Variants in SGMS2 observed in about 807,000 individuals in gnomAD.
The protein encoded by SGMS2 is phosphatidylcholine:ceramide cholinephosphotransferase 2.
In SGMS2, 21 loss-of-function variants were observed where a neutral mutation model predicts 43.8. The observed-to-expected ratio is 0.48, with a 90% CI of 0.34 to 0.69. The LOEUF is 0.69. Among genes scored for constraint, SGMS2 ranks in the 30% least tolerant of loss-of-function variants. SGMS2 has a pLI of 0.01. For synonymous variants in SGMS2, 167 were observed against 160.6 expected, an observed-to-expected ratio of 1.04 and a Z score of -0.30; for missense variants, 384 against 443.2, an observed-to-expected ratio of 0.87 and a Z score of 1.20.
intron 5 of SGMS2, chr4:107,908,343 C>G (rs1232383696): frequency 2.1e-6 from 1 of 486,566 alleles, no homozygotes; most frequent in Non-Finnish European, 3.6e-6. Flanking sequence ...ACCAGCTTCC[C>G]CAGTGAATGA....
chr4:107,862,499 C>A (rs1434744257), intron 2 of SGMS2, among the ~76,000 whole-genome samples: 1 of 152,056 alleles, frequency 6.6e-6, no homozygotes, highest in East Asian at 1.9e-4. Flanking sequence ...ACTCTTTTCC[C>A]TTTTATATGT....
intron 2 of SGMS2, among the ~76,000 whole-genome samples, chr4:107,882,248 A>C (rs992505866): frequency 6.6e-6 from 1 of 152,246 alleles, no homozygotes; most frequent in African/African-American, 2.4e-5. Flanking sequence ...GGATTCCCCC[A>C]TCTCCACATC....
At chr4:107,901,397 G>T (rs939110640) in intron 4 of SGMS2, among the ~76,000 whole-genome samples, 3 of 152,166 alleles carry the variant, frequency 2.0e-5, no homozygotes, top group Admixed American at 6.5e-5. Context: ...TGGTTACAAA[G>T]CTATTACAAA....
At chr4:107,842,142 C>T (rs1726549433) in intron 1 of SGMS2, among the ~76,000 whole-genome samples, 1 of 152,128 alleles carries the variant, frequency 6.6e-6, no homozygotes. Flanking sequence ...TGCTCTGTAT[C>T]TGTGTCTGTG....
rs984611703 is a variant in SGMS2 at position 107,840,335 on chromosome 4, C to T, written c.-327+15082C>T. On this transcript the variant is annotated intron_variant, in intron 1 of 6. Transcript: ENST00000690982. Reference sequence around the variant, plus strand: ...CCTGACTTGGCTCCTCCTAACTGGGCGAGGGCTGTTTTTGGGTGGTCAGTG... The same window carrying T: ...CCTGACTTGGCTCCTCCTAACTGGGTGAGGGCTGTTTTTGGGTGGTCAGTG... 5.3e-5 allele frequency among the ~76,000 whole-genome samples: 8 copies of T among 152,134 alleles called. No homozygotes were observed. In the South Asian group the frequency reaches 6.2e-4, roughly 12 times the overall value.
intron 4 of SGMS2, among the ~76,000 whole-genome samples, chr4:107,900,520 T>C (rs1731032546): frequency 6.6e-6 from 1 of 152,178 alleles, no homozygotes. Flanking sequence ...CAAGGTTCTT[T>C]AGCAGCTGGA....
chr4:107,875,213 T>G (rs1386741582), intron 2 of SGMS2, among the ~76,000 whole-genome samples: 1 of 152,212 alleles, frequency 6.6e-6, no homozygotes, highest in Admixed American at 6.5e-5. Context: ...ACATGTCTGT[T>G]CATTGTAGCC....
intron 2 of SGMS2, among the ~76,000 whole-genome samples, chr4:107,860,081 C>T (rs1242131098): frequency 6.6e-6 from 1 of 151,974 alleles, no homozygotes; most frequent in Non-Finnish European, 1.5e-5. Context: ...ATCCTCTCAG[C>T]CTCTGTCAAT....
At position 107,895,816 on chromosome 4, in the gene SGMS2, T is replaced by C; in HGVS notation, c.263T>C (p.Phe88Ser). 6.2e-7 allele frequency: 1 copy of C among 1,614,020 alleles called. No individual in the cohort carries two copies. The highest frequency in any genetic ancestry group is 8.5e-7 in the Non-Finnish European group (1 of 1,179,942). The change falls in exon 3 of 7, where the codon TTC becomes TCC. Residue 88 changes from phenylalanine to serine, a missense_variant. Transcript: ENST00000690982. ...GGCATTGCCTTCATATATGCAGTTT[T>C]CAACCTCGTCTTGACAACCGTCATG... ...KTGIAFIYAV[F>S]NLVLTTVMIT... is the part of the protein sequence containing the mutation.
intron 2 of SGMS2, among the ~76,000 whole-genome samples, chr4:107,868,487 C>T (rs941148088): frequency 1.3e-5 from 2 of 152,078 alleles, no homozygotes; most frequent in Admixed American, 6.6e-5. Context: ...GAGGCCTAGG[C>T]GGGTGGATCA....
rs775062299 is a variant in SGMS2, at chr4:107,895,361, T to G, written c.-193T>G. 397 of 538,070 alleles carry G rather than the reference T, an allele frequency of 7.4e-4. 3 individuals carry two copies. Among genetic ancestry groups the G allele is most frequent in the Middle Eastern group, 9.1e-4 (2 of 2,200 alleles). 33.3% of individuals were successfully genotyped at this position (538,070 alleles called of 1,614,324 possible). A position where few individuals can be genotyped will look rare whatever the true frequency, so the allele number is the denominator to read the frequency against. On this transcript the variant is annotated 5_prime_UTR_variant, in exon 3 of 7. Transcript: ENST00000690982. ...AAGAATTGGCTTCCTTTCTTGAAAG[T>G]GGTGAAGGTACAGCATATAGCTGCA...
intron 4 of SGMS2, among the ~76,000 whole-genome samples, chr4:107,900,557 AGT>A (rs2126134004): frequency 6.6e-6 from 1 of 152,306 alleles, no homozygotes; most frequent in South Asian, 2.1e-4. Context: ...TGACTGAGAT[AGT>A]GTGTGAGGAT....
chr4:107,875,555 T>G (rs1191643567), intron 2 of SGMS2, among the ~76,000 whole-genome samples: 1 of 152,136 alleles, frequency 6.6e-6, no homozygotes, highest in South Asian at 2.1e-4. Flanking sequence ...GAATAGCTGA[T>G]GGATGCTGGG....
At chr4:107,827,596 G>A (rs1285482233) in intron 1 of SGMS2, among the ~76,000 whole-genome samples, 2 of 152,086 alleles carry the variant, frequency 1.3e-5, no homozygotes, top group Non-Finnish European at 2.9e-5. Context: ...AAAATATTAC[G>A]GACAAGTGAT....
chr4:107,884,636 C>T (rs1394863275), intron 2 of SGMS2, among the ~76,000 whole-genome samples: 4 of 152,200 alleles, frequency 2.6e-5, no homozygotes, highest in African/African-American at 9.6e-5. Context: ...AAATGTATAA[C>T]TCATTGCCGC....
At chr4:107,890,298 C>T (rs1730094878) in intron 2 of SGMS2, among the ~76,000 whole-genome samples, 1 of 152,072 alleles carries the variant, frequency 6.6e-6, no homozygotes, top group African/African-American at 2.4e-5. Context: ...TTAGGTCCCT[C>T]ATGCAGCAGA....
chr4:107,896,991 C>G (rs1493123), intron 3 of SGMS2, among the ~76,000 whole-genome samples: 128,268 of 152,220 alleles, frequency 0.84, 55,565 homozygotes, highest in East Asian at 0.97. Flanking sequence ...ACAATCTGAA[C>G]ATTCCAAGTC....
intron 1 of SGMS2, among the ~76,000 whole-genome samples, chr4:107,827,252 A>C (rs761304131): frequency 1.8e-4 from 28 of 152,198 alleles, no homozygotes; most frequent in Admixed American, 3.9e-4. Flanking sequence ...GTCTTGAACT[A>C]CTAGTATCAG....
intron 2 of SGMS2, among the ~76,000 whole-genome samples, chr4:107,878,139 A>C (rs538831729): frequency 6.6e-6 from 1 of 151,908 alleles, no homozygotes; most frequent in East Asian, 1.9e-4. Flanking sequence ...TGATCTCAAT[A>C]TCCTGACCTC....
Sources: allele counts gnomAD v4.1 joint callset (sites outside exome capture counted in the v4.1 genomes callset), GRCh38; gene constraint gnomAD v4.1.1; transcripts MANE v1.5; gene names NCBI Gene and HGNC (gene_info 2026-07-23, HGNC 2026-07-21).